EYS: variants seen among roughly 807,000 people sequenced by gnomAD.
EYS encodes protein eyes shut homolog.
A neutral mutation model predicts 282.1 loss-of-function variants in EYS; 250 were observed. The observed-to-expected ratio is 0.89, with a 90% CI of 0.80 to 0.98. The LOEUF (loss-of-function observed/expected upper bound fraction) is 0.98, where lower values mean the gene tolerates loss of function less well. EYS is among the 50% of genes least tolerant of loss of function. The pLI, the probability that EYS is intolerant of heterozygous loss-of-function variation, is 0.00. For missense variants in EYS, 4,016 were observed against 3,709.0 expected, an observed-to-expected ratio of 1.08 and a Z score of -2.15; for synonymous variants, 1,355 against 1,282.9, an observed-to-expected ratio of 1.06 and a Z score of -1.20.
In EYS at chr6:64,472,107, C is replaced by T. The variant is rs115778894; in HGVS notation, c.5645-32755G>A. Among the ~76,000 whole-genome samples, 218 of 152,070 alleles carry T rather than the reference C, an allele frequency of 1.4e-3. 2 individuals carry two copies. The highest frequency in any genetic ancestry group is 2.3e-3 in the Non-Finnish European group (159 of 67,878). On this transcript the variant is annotated intron_variant, in intron 26 of 42. Transcript: ENST00000503581. ...AATTCTGGAAATGTACTGTGGATTACTACACAAAAATGTACTATAAAAGGA... is the reference window on the plus strand; with the variant it reads ...AATTCTGGAAATGTACTGTGGATTATTACACAAAAATGTACTATAAAAGGA...
intron 2 of EYS, among the ~76,000 whole-genome samples, chr6:65,605,600 T>A (rs1374251707): frequency 6.6e-6 from 1 of 151,946 alleles, no homozygotes; most frequent in Non-Finnish European, 1.5e-5. Flanking sequence ...TATATATCCA[T>A]AAGTTTATAG....
chr6:65,438,154 G>A (rs1396104689), intron 5 of EYS, among the ~76,000 whole-genome samples: 2 of 151,916 alleles, frequency 1.3e-5, no homozygotes, highest in African/African-American at 2.4e-5. Context: ...ATGGTTTCCA[G>A]CTTCATCCAT....
chr6:64,008,439 T>A (rs1274468342), intron 33 of EYS, among the ~76,000 whole-genome samples: 1 of 152,192 alleles, frequency 6.6e-6, no homozygotes, highest in Non-Finnish European at 1.5e-5. Flanking sequence ...GTATGCCCTT[T>A]AATTGAGGCA....
chr6:64,141,546 G>T (rs1774338736), intron 31 of EYS, among the ~76,000 whole-genome samples: 1 of 152,056 alleles, frequency 6.6e-6, no homozygotes, highest in Non-Finnish European at 1.5e-5. Flanking sequence ...AAAAATGACT[G>T]CTTGGAAGAT....
rs559322989 is a variant in EYS, at chr6:65,153,762, G to A, written c.2024-96035C>T. Among the ~76,000 whole-genome samples, 7 of 151,812 alleles carry A rather than the reference G, an allele frequency of 4.6e-5. No individual in the cohort carries two copies. In the South Asian group the frequency reaches 1.5e-3, roughly 31 times the overall value. On this transcript the variant is annotated intron_variant, in intron 12 of 42. Coordinates refer to ENST00000503581, the MANE Select transcript of EYS (RefSeq NM_001142800.2). ...GCATCTCTCTGGATTTCTTTAAGCA[G>A]AATATAGTCATGTAAAAATTCTTTA...
chr6:63,854,085 C>T (rs1228252999), intron 36 of EYS, among the ~76,000 whole-genome samples: 1 of 152,024 alleles, frequency 6.6e-6, no homozygotes, highest in Non-Finnish European at 1.5e-5. Context: ...ACCACTTGAC[C>T]CAGCAATCCT....
chr6:64,626,258 A>T lies in EYS; in HGVS notation c.3444-13T>A. 2 of 1,519,456 alleles carry T rather than the reference A, an allele frequency of 1.3e-6. No homozygotes were observed. The highest frequency in any genetic ancestry group is 1.8e-6 in the Non-Finnish European group (2 of 1,138,270). The allele number at this position is 1,519,456 out of a possible 1,614,324, so 94.1% of individuals were successfully genotyped here. ...TCCAGGAAGACATCTAAGGAAAAAA[A>T]ATGAAAACGATATTTGTATATATTA... On this transcript the variant is annotated splice_polypyrimidine_tract_variant and intron_variant, in intron 22 of 42. Coordinates refer to ENST00000503581, the MANE Select transcript of EYS (RefSeq NM_001142800.2).
At chr6:64,721,006 T>TA (rs750299156) in intron 22 of EYS, among the ~76,000 whole-genome samples, 2 of 15,730 alleles carry the variant, frequency 1.3e-4, no homozygotes, top group Admixed American at 1.1e-3. Flanking sequence ...AGTAATAAGG[T>TA]GTTTTTATAT....
intron 26 of EYS, among the ~76,000 whole-genome samples, chr6:64,534,286 A>T (rs1001295604): frequency 6.6e-6 from 1 of 151,690 alleles, no homozygotes; most frequent in African/African-American, 2.4e-5. Context: ...TAGCTACTAA[A>T]CTTTTTTTTT....
chr6:63,766,595 A>T (rs1769794247), intron 40 of EYS, among the ~76,000 whole-genome samples: 1 of 152,052 alleles, frequency 6.6e-6, no homozygotes. Context: ...AGGAAAAATT[A>T]TAGTAATGAC....
At chr6:64,405,844 A>C (rs1281867407) in intron 28 of EYS, among the ~76,000 whole-genome samples, 2 of 152,192 alleles carry the variant, frequency 1.3e-5, no homozygotes, top group African/African-American at 4.8e-5. Flanking sequence ...CAAATGGAAA[A>C]ACATTCCATG....
chr6:65,343,782 A>T (rs1770286775), intron 10 of EYS, among the ~76,000 whole-genome samples: 1 of 151,504 alleles, frequency 6.6e-6, no homozygotes, highest in Non-Finnish European at 1.5e-5. Flanking sequence ...AAATTATAAC[A>T]TTAATAAAAA....
chr6:64,886,210 C>T (rs1767080840), intron 19 of EYS, among the ~76,000 whole-genome samples: 1 of 151,832 alleles, frequency 6.6e-6, no homozygotes, highest in Non-Finnish European at 1.5e-5. Context: ...TCCCTGATGA[C>T]TTTTGCCTTT....
At chr6:63,956,015 T>G (rs1765800872) in intron 35 of EYS, among the ~76,000 whole-genome samples, 1 of 152,216 alleles carries the variant, frequency 6.6e-6, no homozygotes, top group South Asian at 2.1e-4. Context: ...TCTCCCACTC[T>G]AGGTTCCCAC....
intron 7 of EYS, among the ~76,000 whole-genome samples, chr6:65,393,772 T>C (rs927535787): frequency 1.1e-4 from 16 of 152,052 alleles, no homozygotes; most frequent in African/African-American, 3.6e-4. Flanking sequence ...GTGGGGGAAG[T>C]TATGTTAATA....
At chr6:64,559,616 C>T (rs73767343) in intron 26 of EYS, among the ~76,000 whole-genome samples, 4,616 of 151,926 alleles carry the variant, frequency 0.03, 154 homozygotes, top group East Asian at 0.11. Context: ...CAGGATTTTG[C>T]AACTATCATT....
chr6:64,975,061 A>G (rs1770429820), intron 14 of EYS, among the ~76,000 whole-genome samples: 1 of 151,798 alleles, frequency 6.6e-6, no homozygotes, highest in African/African-American at 2.4e-5. Context: ...TATTTAGTAA[A>G]ATATACCAAG....
chr6:63,797,890 A>T (rs1398143877), intron 37 of EYS: 1 of 152,222 alleles, frequency 6.6e-6, no homozygotes, highest in Non-Finnish European at 1.5e-5. Context: ...ATGTGATAAA[A>T]TGCATTTCTT....
At chr6:65,453,374 T>TA (rs962534942) in intron 5 of EYS, among the ~76,000 whole-genome samples, 2 of 151,940 alleles carry the variant, frequency 1.3e-5, no homozygotes, top group East Asian at 1.9e-4. Context: ...CAAATTTATT[T>TA]AAAAAATATT....
Sources: allele counts gnomAD v4.1 joint callset (sites outside exome capture counted in the v4.1 genomes callset), GRCh38; gene constraint gnomAD v4.1.1; transcripts MANE v1.5; gene names NCBI Gene and HGNC (gene_info 2026-07-23, HGNC 2026-07-21).